The following SGSM2 variants were observed in gnomAD, a reference collection of about 807,000 sequenced individuals.
SGSM2 encodes the protein RUN and TBC1 domain containing 1.
A neutral mutation model predicts 126.6 loss-of-function variants in SGSM2; 89 were observed. The observed-to-expected ratio is 0.70, with a 90% CI of 0.59 to 0.84. The LOEUF (loss-of-function observed/expected upper bound fraction) is 0.84. SGSM2 is among the 40% of genes least tolerant of loss of function. The pLI is 0.00. For synonymous variants in SGSM2, 614 were observed against 574.3 expected, an observed-to-expected ratio of 1.07 and a Z score of -0.99; for missense variants, 1,404 against 1,416.6, an observed-to-expected ratio of 0.99 and a Z score of 0.14.
chr17:2,348,823 T>C (rs541889425), intron 2 of SGSM2, among the ~76,000 whole-genome samples: 1 of 152,098 alleles, frequency 6.6e-6, no homozygotes, highest in African/African-American at 2.4e-5. Flanking sequence ...AGTGCAGTGG[T>C]GTGATCATAG....
Position 2,377,939 on chromosome 17 carries a change from T to C in SGSM2, c.2885T>C (p.Leu962Pro), listed in dbSNP as rs1280751460. 6.2e-7 allele frequency: 1 copy of C among 1,610,634 alleles called. No individual in the cohort carries two copies. The highest frequency in any genetic ancestry group is 1.3e-5 in the African/African-American group (1 of 74,872). Residue 962 changes from leucine (L) to proline (P), a missense_variant, in exon 22 of 24, where the codon CTG becomes CCG. Physicochemically the swap from Leu to Pro is moderately conservative, Grantham distance 98 (BLOSUM62 -3). Coordinates refer to ENST00000268989, the MANE Select transcript of SGSM2 (RefSeq NM_014853.3). ...HFYFCYRWFLLDFKRELLYED... is the reference protein window; with the variant it reads ...HFYFCYRWFLPDFKRELLYED... ...TACTTCTGTTATCGCTGGTTCCTGC[T>C]GGATTTTAAGAGAGGTAAGAAGTGG... is the stretch of plus-strand genomic sequence containing the variant.
intron 2 of SGSM2, among the ~76,000 whole-genome samples, chr17:2,357,773 A>G (rs1363757183): frequency 6.6e-6 from 1 of 152,222 alleles, no homozygotes; most frequent in East Asian, 1.9e-4. Flanking sequence ...CTGGGATTAC[A>G]GGTGTGAGCC....
Position 2,375,572 on chromosome 17 carries a change from A to G in SGSM2, c.2181A>G (p.Ala727=). The G allele has an allele frequency of 6.2e-7, 1 of 1,613,918 alleles. No individual in the cohort carries two copies. Among genetic ancestry groups the G allele is most frequent in the Admixed American group, 1.7e-5 (1 of 60,030 alleles). ...EDSRPKPEQE[A]GPGTPGTAVV... is the part of the protein sequence containing the mutation. Reference sequence around the variant, plus strand: ...CCAGACCAAAACCTGAGCAGGAAGCAGGACCCGGGACTCCGGGCACCGCCG... The same window carrying G: ...CCAGACCAAAACCTGAGCAGGAAGCGGGACCCGGGACTCCGGGCACCGCCG... The change falls in exon 18 of 24, where the codon GCA becomes GCG. Residue 727 remains alanine (A), a synonymous_variant. Transcript: ENST00000268989.
intron 2 of SGSM2, among the ~76,000 whole-genome samples, chr17:2,360,204 T>C (rs955726835): frequency 6.6e-6 from 1 of 152,106 alleles, no homozygotes; most frequent in African/African-American, 2.4e-5. Context: ...TAGCTGGGCA[T>C]GGTGGTGTGT....
Position 2,362,578 on chromosome 17 carries a change from C to T in SGSM2, c.459-260C>T, listed in dbSNP as rs190024122. On this transcript the variant is annotated intron_variant, in intron 4 of 23. Coordinates refer to ENST00000268989, the MANE Select transcript of SGSM2 (RefSeq NM_014853.3). The surrounding 1 kb of genome is among the most constrained non-coding windows in gnomAD (Gnocchi z 4.9). ...GCAGCCCCTCCCTTGACCCGTCTCC[C>T]GACGTCCCTCAGCCCCAGCCCTCAG... 1.2e-4 allele frequency among the ~76,000 whole-genome samples: 18 copies of T among 152,082 alleles called. No homozygotes were observed. The East Asian group carries it at 1.8e-3, about 15-fold the overall frequency.
At chr17:2,359,609 C>T (rs558428619) in intron 2 of SGSM2, among the ~76,000 whole-genome samples, 4 of 152,184 alleles carry the variant, frequency 2.6e-5, no homozygotes, top group African/African-American at 9.6e-5. Flanking sequence ...TCCTCTCACC[C>T]GAGAGAACCC....
Position 2,337,622 on chromosome 17 carries a change from G to C in SGSM2, c.-67G>C. On this transcript the variant is annotated 5_prime_UTR_variant, in exon 1 of 24. Transcript: ENST00000268989. This position sits in a 1 kb window ranked among gnomAD's most constrained non-coding sequence, Gnocchi z 5.1. ...CGCCTTGCGCGTGGGGCGCTGAGCCGAGAGGCGCGGAGGCGGCGAGGGCGC... is the reference window on the plus strand; with the variant it reads ...CGCCTTGCGCGTGGGGCGCTGAGCCCAGAGGCGCGGAGGCGGCGAGGGCGC... The C allele has an allele frequency of 8.2e-7, 1 of 1,216,360 alleles. No individual in the cohort carries two copies. Among genetic ancestry groups the C allele is most frequent in the Non-Finnish European group, 1.1e-6 (1 of 932,332 alleles). 75.3% of individuals were successfully genotyped at this position (1,216,360 alleles called of 1,614,324 possible).
intron 12 of SGSM2, among the ~76,000 whole-genome samples, chr17:2,369,631 C>A (rs1017865401): frequency 2.0e-5 from 3 of 152,164 alleles, no homozygotes; most frequent in African/African-American, 7.2e-5. Flanking sequence ...GCCCAGGAGA[C>A]CTTGGCTGGG....
At chr17:2,345,431 C>A (rs528891132) in intron 2 of SGSM2, among the ~76,000 whole-genome samples, 1 of 151,530 alleles carries the variant, frequency 6.6e-6, no homozygotes, top group Non-Finnish European at 1.5e-5. Flanking sequence ...CCCGTCTCTA[C>A]TAAAAATACA....
chr17:2,338,175 C>T (rs1358064106), intron 1 of SGSM2, among the ~76,000 whole-genome samples: 1 of 152,126 alleles, frequency 6.6e-6, no homozygotes, highest in Non-Finnish European at 1.5e-5. Flanking sequence ...AAGTGGGTGT[C>T]GTGCGGGCTG....
rs1489054994 is a variant in SGSM2, at chr17:2,379,443, C to T, written c.3079C>T (p.His1027Tyr). 7 of 1,612,984 alleles carry T rather than the reference C, an allele frequency of 4.3e-6. No homozygotes were observed. The East Asian group carries it at 1.1e-4, about 26-fold the overall frequency. Reference sequence around the variant, plus strand: ...ACGTTTCCCCCCAGAACGTGCTGAGCATCACGATGCCCAGGAGATCCTGCG... The same window carrying T: ...ACGTTTCCCCCCAGAACGTGCTGAGTATCACGATGCCCAGGAGATCCTGCG... ...IIKFFNERAE[H>Y]HDAQEILRIA... The change falls in exon 24 of 24, where the codon CAT (histidine) becomes TAT (tyrosine). Residue 1027 changes from histidine (H) to tyrosine (Y), a missense_variant. Physicochemically the swap from His to Tyr is moderately conservative, Grantham distance 83. Coordinates refer to ENST00000268989, the MANE Select transcript of SGSM2 (RefSeq NM_014853.3).
chr17:2,353,083 T>A (rs1048298686), intron 2 of SGSM2, among the ~76,000 whole-genome samples: 2 of 152,052 alleles, frequency 1.3e-5, no homozygotes, highest in Admixed American at 6.6e-5. Flanking sequence ...GGCCCACTGC[T>A]GCATATTCTA....
At chr17:2,353,803 T>C (rs2064975854) in intron 2 of SGSM2, among the ~76,000 whole-genome samples, 2 of 152,128 alleles carry the variant, frequency 1.3e-5, no homozygotes, top group Non-Finnish European at 2.9e-5. Flanking sequence ...CTCACTCCTT[T>C]CTCTGCTCTT....
In SGSM2 at chr17:2,373,005, A is replaced by G; in HGVS notation, c.1841A>G (p.His614Arg). The change falls in exon 16 of 24, where the codon CAC becomes CGC. Residue 614 changes from histidine to arginine, a missense_variant. Transcript: ENST00000268989. ...LRQVYYGGIE[H>R]EIRKDVWPFL... is the part of the protein sequence containing the mutation. ...CAAGTTTACTACGGAGGCATAGAGC[A>G]CGAGATCCGCAAGGACGTCTGGCCC... 6.3e-7 allele frequency: 1 copy of G among 1,596,306 alleles called. No individual in the cohort carries two copies. Among genetic ancestry groups the G allele is most frequent in the Non-Finnish European group, 8.5e-7 (1 of 1,171,256 alleles).
At position 2,375,626 on chromosome 17, in the gene SGSM2, C is replaced by T. The variant is rs113308954; in HGVS notation, c.2235C>T (p.Phe745=). 1.9e-4 allele frequency: 304 copies of T among 1,614,026 alleles called. 3 individuals carry two copies. In the African/African-American group the frequency reaches 3.1e-3, roughly 17 times the overall value. The part of the protein sequence containing the change: ...AVVEQQHSVE[F]DSPDSGLPSS... ...TGGAGCAGCAGCATTCCGTGGAGTT[C>T]GACTCTCCAGACTCAGGACTGCCCT... The change falls in exon 18 of 24, where the codon TTC becomes TTT. Residue 745 remains phenylalanine (F), a synonymous_variant. Coordinates refer to ENST00000268989, the MANE Select transcript of SGSM2 (RefSeq NM_014853.3).
intron 1 of SGSM2, among the ~76,000 whole-genome samples, chr17:2,341,181 C>T (rs985298713): frequency 1.3e-5 from 2 of 152,068 alleles, no homozygotes; most frequent in Admixed American, 1.3e-4. Flanking sequence ...GGCTGGAGTG[C>T]GATCTCAGCT....
At position 2,363,024 on chromosome 17, in the gene SGSM2, A is replaced by T; in HGVS notation, c.562A>T (p.Thr188Ser). The T allele has an allele frequency of 6.2e-7, 1 of 1,614,004 alleles. No homozygotes were observed. Among genetic ancestry groups the T allele is most frequent in the Non-Finnish European group, 8.5e-7 (1 of 1,180,034 alleles). ...TGCCTTGGAATACACTAAGCTCAAGACAGCCGATCACTACTGGACTGACCC... is the reference window on the plus strand; with the variant it reads ...TGCCTTGGAATACACTAAGCTCAAGTCAGCCGATCACTACTGGACTGACCC... ...PCALEYTKLK[T>S]ADHYWTDPSA... Residue 188 changes from threonine to serine, a missense_variant, in exon 6 of 24, where the codon ACA becomes TCA. By Grantham distance (58) the Thr-to-Ser change is moderately conservative. Transcript: ENST00000268989. This position sits in a 1 kb window ranked among gnomAD's most constrained non-coding sequence, Gnocchi z 4.2.
chr17:2,358,703 C>T (rs1416715844), intron 2 of SGSM2, among the ~76,000 whole-genome samples: 2 of 134,214 alleles, frequency 1.5e-5, no homozygotes, highest in Non-Finnish European at 3.4e-5. Flanking sequence ...TAGAGTGAGA[C>T]CCGGTCTCAA....
chr17:2,352,438 T>C (rs1277395017), intron 2 of SGSM2, among the ~76,000 whole-genome samples: 1 of 152,148 alleles, frequency 6.6e-6, no homozygotes, highest in Non-Finnish European at 1.5e-5. Flanking sequence ...TAGCAAAAGG[T>C]GAAACCGGGC....
Sources: gnomAD v4.1 joint callset for allele counts (sites outside exome capture counted in the v4.1 genomes callset) on GRCh38, gnomAD v4.1.1 for gene constraint, Gnocchi (gnomAD v3.1) non-coding constraint, MANE v1.5 for transcripts, NCBI Gene and HGNC (gene_info 2026-07-23, HGNC 2026-07-21) for gene names.